Variants in STPG2 observed in about 807,000 individuals in gnomAD.
STPG2 encodes the protein sperm-tail PG-rich repeat-containing protein 2.
In STPG2, 56 loss-of-function variants were observed where a neutral mutation model predicts 54.2. The ratio of observed to expected loss-of-function variants is 1.03; its 90% CI spans 0.83 to 1.29. STPG2 has a LOEUF of 1.29. Among genes scored for constraint, STPG2 ranks in the 50% most tolerant of loss-of-function variants. The pLI is 0.00. For missense variants in STPG2, 596 were observed against 544.9 expected (o/e 1.09, Z -0.93); for synonymous variants, 200 against 181.8 (o/e 1.10, Z -0.81).
intron 4 of STPG2, among the ~76,000 whole-genome samples, chr4:97,519,448 T>C (rs1188403782): frequency 6.6e-6 from 1 of 151,898 alleles, no homozygotes; most frequent in Admixed American, 6.6e-5. Context: ...GCAAGCCCAC[T>C]GAGATACCCA....
intron 10 of STPG2, among the ~76,000 whole-genome samples, chr4:97,684,395 A>G (rs1309435704): frequency 6.6e-5 from 10 of 151,980 alleles, no homozygotes; most frequent in Non-Finnish European, 2.9e-5. Context: ...AAATAAATTA[A>G]TGGAACAGAA....
At chr4:97,981,123 A>G (rs758323878) in intron 6 of STPG2, 36 bp downstream of exon 6, 141 of 1,589,756 alleles carry the variant, frequency 8.9e-5, no homozygotes, top group Non-Finnish European at 1.2e-4. Context: ...TTCTTTATAA[A>G]GCCAAAGAGT....
intron 5 of STPG2, among the ~76,000 whole-genome samples, chr4:98,014,253 G>A (rs1735853494): frequency 6.6e-6 from 1 of 152,128 alleles, no homozygotes; most frequent in African/African-American, 2.4e-5. Context: ...GGAGCAGGTT[G>A]TTCAATTTCC....
chr4:97,496,400 T>C (rs1276753119), intron 4 of STPG2, among the ~76,000 whole-genome samples: 1 of 151,694 alleles, frequency 6.6e-6, no homozygotes, highest in Non-Finnish European at 1.5e-5. Context: ...AGACACATGC[T>C]GAACTCAAAA....
intron 7 of STPG2, among the ~76,000 whole-genome samples, chr4:97,952,077 C>T (rs1158808683): frequency 1.3e-5 from 2 of 152,122 alleles, no homozygotes; most frequent in Non-Finnish European, 2.9e-5. Context: ...ATCAGACAGG[C>T]ACCTATTTTC....
chr4:98,086,684 A>G (rs1429547521), intron 5 of STPG2, among the ~76,000 whole-genome samples: 1 of 151,106 alleles, frequency 6.6e-6, no homozygotes, highest in African/African-American at 2.4e-5. Context: ...AAAAAAAAAA[A>G]AAAGGTGCCC....
chr4:97,937,908 C>T (rs898524041), intron 8 of STPG2, among the ~76,000 whole-genome samples: 3 of 152,168 alleles, frequency 2.0e-5, no homozygotes, highest in Non-Finnish European at 4.4e-5. Flanking sequence ...CTTTGGCTGT[C>T]GCTTGGTTGA....
chr4:97,830,899 C>G (rs1728434643), intron 9 of STPG2, among the ~76,000 whole-genome samples: 1 of 152,158 alleles, frequency 6.6e-6, no homozygotes, highest in Non-Finnish European at 1.5e-5. Context: ...TACAAAGAGA[C>G]TTAGACTCCC....
chr4:97,787,199 T>C (rs1726853329), intron 9 of STPG2, among the ~76,000 whole-genome samples: 1 of 152,088 alleles, frequency 6.6e-6, no homozygotes, highest in African/African-American at 2.4e-5. Context: ...TTCGTACTTT[T>C]TTTTTCTTTT....
chr4:97,575,103 G>C (rs757988508), intron 10 of STPG2, among the ~76,000 whole-genome samples: 3 of 151,832 alleles, frequency 2.0e-5, no homozygotes, highest in Non-Finnish European at 4.4e-5. Context: ...TCAAAATGCT[G>C]AACAGACTGC....
intron 10 of STPG2, among the ~76,000 whole-genome samples, chr4:97,619,014 C>A (rs1311532515): frequency 6.6e-6 from 1 of 152,118 alleles, no homozygotes; most frequent in South Asian, 2.1e-4. Context: ...GGCACAGGAC[C>A]TAACTAGGGA....
At chr4:97,630,802 A>G (rs907044487) in intron 10 of STPG2, among the ~76,000 whole-genome samples, 1 of 152,000 alleles carries the variant, frequency 6.6e-6, no homozygotes, top group East Asian at 1.9e-4. Context: ...TAATCTAAAA[A>G]ATCATTTAAA....
intron 5 of STPG2, among the ~76,000 whole-genome samples, chr4:98,021,527 T>C (rs1174121601): frequency 6.6e-6 from 1 of 152,146 alleles, no homozygotes; most frequent in Non-Finnish European, 1.5e-5. Flanking sequence ...TAGATGTCTA[T>C]TAGGTCTGCT....
intron 5 of STPG2, among the ~76,000 whole-genome samples, chr4:98,001,669 G>T (rs986544768): frequency 1.9e-4 from 29 of 152,072 alleles, no homozygotes; most frequent in Non-Finnish European, 3.8e-4. Flanking sequence ...GGACAAGGCA[G>T]GCAAATAAGT....
In STPG2 at chr4:97,736,768, A is replaced by C. The variant is rs549786598; in HGVS notation, c.1205-23954T>G. Among the ~76,000 whole-genome samples, 326 of 152,300 alleles carry C rather than the reference A, an allele frequency of 2.1e-3. 1 individual carries two copies. Among genetic ancestry groups the C allele is most frequent in the Non-Finnish European group, 2.9e-3 (198 of 68,018 alleles). On this transcript the variant is annotated intron_variant, in intron 9 of 10. Transcript: ENST00000295268. ...AGGCCTGCCTGCCTCTGTAGGCTCC[A>C]CTTCTGGGGCAGGGCACAAACAAAC...
At chr4:97,702,637 C>T (rs1218158560) in intron 10 of STPG2, among the ~76,000 whole-genome samples, 1 of 152,122 alleles carries the variant, frequency 6.6e-6, no homozygotes, top group African/African-American at 2.4e-5. Flanking sequence ...TGGCTGATGG[C>T]AGCATGGGTC....
intron 7 of STPG2, among the ~76,000 whole-genome samples, chr4:97,966,990 A>G (rs1255716417): frequency 6.6e-6 from 1 of 152,148 alleles, no homozygotes; most frequent in Non-Finnish European, 1.5e-5. Flanking sequence ...TAATGACAGG[A>G]TCAAATTCAC....
chr4:97,951,964 G>A (rs1301173879), intron 7 of STPG2, among the ~76,000 whole-genome samples: 1 of 152,052 alleles, frequency 6.6e-6, no homozygotes, highest in Non-Finnish European at 1.5e-5. Context: ...TCTTATCAGG[G>A]GAAAGGGTGG....
In STPG2 at chr4:98,039,471, A is replaced by G. The variant is rs199631049; in HGVS notation, c.613-58153T>C. Among the ~76,000 whole-genome samples the G allele has an allele frequency of 2.7e-4, 16 of 58,454 alleles. 1 individual carries two copies. Among genetic ancestry groups the G allele is most frequent in the South Asian group, 2.4e-3 (4 of 1,652 alleles). The allele number at this position is 58,454 out of a possible 152,430, so 38.3% of individuals were successfully genotyped here. On this transcript the variant is annotated intron_variant, in intron 5 of 10. Transcript: ENST00000295268. ...GTACATATACATATTTCTTTTGTGT[A>G]TATATATATATACAAGAAATACATA...
Sources: allele counts gnomAD v4.1 joint callset (sites outside exome capture counted in the v4.1 genomes callset), GRCh38; gene constraint gnomAD v4.1.1; transcripts MANE v1.5; gene names NCBI Gene and HGNC (gene_info 2026-07-23, HGNC 2026-07-21).